MBOAT1: variants seen among roughly 807,000 people sequenced by gnomAD.
MBOAT1 encodes membrane bound glycerophospholipid O-acyltransferase 1.
MBOAT1 carries 67 observed loss-of-function variants against 64.4 expected under a neutral mutation model. The ratio of observed to expected loss-of-function variants is 1.04; its 90% CI spans 0.85 to 1.27. MBOAT1 has a LOEUF of 1.27. Ranked by LOEUF, MBOAT1 falls within the 50% of genes most tolerant of loss-of-function variation. MBOAT1 has a pLI of 0.00. For missense variants in MBOAT1, 563 were observed against 604.6 expected (o/e 0.93, Z 0.72); for synonymous variants, 229 against 218.9 (o/e 1.05, Z -0.41).
chr6:20,149,043 G>A (rs1407277685), intron 3 of MBOAT1, among the ~76,000 whole-genome samples: 3 of 147,396 alleles, frequency 2.0e-5, no homozygotes, highest in African/African-American at 5.0e-5. Flanking sequence ...GGAGGTTGCA[G>A]TAAGCCGAGA....
intron 1 of MBOAT1, among the ~76,000 whole-genome samples, chr6:20,197,309 C>G (rs1581464060): frequency 6.6e-6 from 1 of 152,104 alleles, no homozygotes; most frequent in Non-Finnish European, 1.5e-5. Context: ...CTGGGAACTG[C>G]ATCACGTAAA....
intron 1 of MBOAT1, among the ~76,000 whole-genome samples, chr6:20,209,613 C>T (rs1405959479): frequency 6.6e-6 from 1 of 152,168 alleles, no homozygotes; most frequent in Non-Finnish European, 1.5e-5. Context: ...GGAAATGATT[C>T]AGTGTCCTTA....
At chr6:20,131,027 G>A in intron 5 of MBOAT1, 117 bp downstream of exon 5, 1 of 896,296 alleles carries the variant, frequency 1.1e-6, no homozygotes, top group Non-Finnish European at 1.8e-6. Flanking sequence ...TTTTGAACAA[G>A]ATAAAGCAAG....
At chr6:20,122,866 C>T (rs2483762) in intron 8 of MBOAT1, among the ~76,000 whole-genome samples, 12,068 of 152,016 alleles carry the variant, frequency 0.079, 529 homozygotes, top group South Asian at 0.13. Context: ...GAGTCTTGCT[C>T]CATCATCCAG....
At chr6:20,103,272 G>A (rs71560114) in intron 12 of MBOAT1, among the ~76,000 whole-genome samples, 6,613 of 152,182 alleles carry the variant, frequency 0.043, 168 homozygotes, top group Middle Eastern at 0.061. Context: ...CTGATCTTGT[G>A]TAGCCTAGGC....
chr6:20,152,357 A>AT (rs1761532800), intron 2 of MBOAT1, among the ~76,000 whole-genome samples: 2 of 144,846 alleles, frequency 1.4e-5, no homozygotes, highest in African/African-American at 5.2e-5. Context: ...AAATAAATAA[A>AT]TAAATAAATT....
intron 1 of MBOAT1, among the ~76,000 whole-genome samples, chr6:20,156,227 C>T (rs1244962069): frequency 6.7e-6 from 1 of 149,906 alleles, no homozygotes; most frequent in Non-Finnish European, 1.5e-5. Context: ...GCTGAGATCA[C>T]GCCACTGCAC....
At chr6:20,110,757 G>A (rs1760114284) in intron 11 of MBOAT1, among the ~76,000 whole-genome samples, 1 of 151,920 alleles carries the variant, frequency 6.6e-6, no homozygotes, top group African/African-American at 2.4e-5. Flanking sequence ...AATATATCAT[G>A]CACTTTTTTC....
chr6:20,201,028 G>GT (rs1463614238), intron 1 of MBOAT1, among the ~76,000 whole-genome samples: 9 of 152,292 alleles, frequency 5.9e-5, no homozygotes, highest in Admixed American at 5.9e-4. Context: ...CTCAAAAGCA[G>GT]TTTAGACACA....
rs367678499 is a variant in MBOAT1 at position 20,107,764 on chromosome 6, T to C, written c.1361+1834A>G. ...CTTAAAAATCTTGTATGAGGCAATA[T>C]CAGGGGCTTAGAATACCAGGGCTTA... On this transcript the variant is annotated intron_variant, in intron 12 of 12. Coordinates refer to ENST00000324607, the MANE Select transcript of MBOAT1 (RefSeq NM_001080480.3). Among the ~76,000 whole-genome samples, 82 of 150,996 alleles carry C rather than the reference T, an allele frequency of 5.4e-4. No homozygotes were observed. The Middle Eastern group carries it at 0.014, about 25-fold the overall frequency.
intron 1 of MBOAT1, among the ~76,000 whole-genome samples, chr6:20,197,553 T>C (rs1762992568): frequency 6.6e-6 from 1 of 152,154 alleles, no homozygotes; most frequent in Non-Finnish European, 1.5e-5. Flanking sequence ...CACATGTAAA[T>C]TGTGTATTCA....
In MBOAT1 at chr6:20,101,260, C is replaced by T. The variant is rs2113617258; in HGVS notation, c.*1026G>A. ...CAGGTGGCGCCTGTGAAATGGAAAA[C>T]ATTCGGAAAACAGCAGCCCCTCTTC... On this transcript the variant is annotated 3_prime_UTR_variant, in exon 13 of 13. Coordinates refer to ENST00000324607, the MANE Select transcript of MBOAT1 (RefSeq NM_001080480.3). Among the ~76,000 whole-genome samples the T allele has an allele frequency of 6.6e-6, 1 of 152,322 alleles. No individual in the cohort carries two copies. The highest frequency in any genetic ancestry group is 1.9e-4 in the East Asian group (1 of 5,176).
intron 1 of MBOAT1, among the ~76,000 whole-genome samples, chr6:20,194,780 G>A (rs962349629): frequency 2.6e-5 from 4 of 152,036 alleles, no homozygotes; most frequent in African/African-American, 9.7e-5. Flanking sequence ...CCTTCTTAAG[G>A]GTGAGTGTCT....
intron 1 of MBOAT1, among the ~76,000 whole-genome samples, chr6:20,199,656 C>T (rs1295720447): frequency 1.3e-5 from 2 of 152,164 alleles, no homozygotes; most frequent in South Asian, 2.1e-4. Context: ...TATAAATGTT[C>T]ATTTGCCTCC....
chr6:20,151,371 G>C, intron 2 of MBOAT1, 109 bp from the exon 3 acceptor site: 1 of 674,412 alleles, frequency 1.5e-6, no homozygotes, highest in Non-Finnish European at 2.6e-6. Context: ...AAACACAAAT[G>C]ATCAATGATC....
intron 11 of MBOAT1, among the ~76,000 whole-genome samples, chr6:20,110,130 C>T (rs1354713959): frequency 2.0e-5 from 3 of 151,376 alleles, no homozygotes; most frequent in South Asian, 2.1e-4. Context: ...AGGCTGGTCT[C>T]GAATTCCTGA....
intron 1 of MBOAT1, among the ~76,000 whole-genome samples, chr6:20,197,859 C>T (rs186845415): frequency 1.3e-5 from 2 of 152,142 alleles, no homozygotes; most frequent in Non-Finnish European, 2.9e-5. Flanking sequence ...ATTTTGGGTT[C>T]ACATTCCACA....
rs755900956 is a variant in MBOAT1 at position 20,102,369 on chromosome 6, G to A, written c.1405C>T (p.Leu469=). 1.2e-6 allele frequency: 2 copies of A among 1,612,560 alleles called. No homozygotes were observed. The highest frequency in any genetic ancestry group is 8.5e-7 in the Non-Finnish European group (1 of 1,178,636). ...GCTTGTGGTTTCATTGGCAGAAATA[G>A]TATTATCAGGAGACTTATGATGTGC... The part of the protein sequence containing the change: ...YLHIISLLII[L]FLPMKPQAHT... Residue 469 remains leucine (L), a synonymous_variant, in exon 13 of 13, where the codon CTA becomes TTA. Coordinates refer to ENST00000324607, the MANE Select transcript of MBOAT1 (RefSeq NM_001080480.3).
At chr6:20,209,254 GAA>G (rs1007602435) in intron 1 of MBOAT1, among the ~76,000 whole-genome samples, 1 of 152,160 alleles carries the variant, frequency 6.6e-6, no homozygotes, top group Non-Finnish European at 1.5e-5. Flanking sequence ...TTCTGCATCT[GAA>G]TTATTATGCG....
Sources: allele counts gnomAD v4.1 joint callset (sites outside exome capture counted in the v4.1 genomes callset), GRCh38; gene constraint gnomAD v4.1.1; transcripts MANE v1.5; gene names NCBI Gene and HGNC (gene_info 2026-07-23, HGNC 2026-07-21).